DLGAP2: variants seen among roughly 807,000 people sequenced by gnomAD.
DLGAP2 encodes the protein DLG associated protein 2.
In DLGAP2, 26 loss-of-function variants were observed where a neutral mutation model predicts 100.3. That is an observed-to-expected ratio of 0.26 (90% confidence interval 0.19 to 0.36). DLGAP2 has a LOEUF of 0.36. Ranked by LOEUF, DLGAP2 falls within the 10% of genes least tolerant of loss-of-function variation. The probability of loss-of-function intolerance (pLI) is 1.00; values close to 1 mark genes in which losing one functional copy is unlikely to be tolerated. For synonymous variants in DLGAP2, 886 were observed against 630.1 expected (o/e 1.41, Z -6.08); for missense variants, 1,858 against 1,453.2 (o/e 1.28, Z -4.53).
chr8:1,360,104 C>T (rs960754104), intron 3 of DLGAP2, among the ~76,000 whole-genome samples: 34 of 151,960 alleles, frequency 2.2e-4, no homozygotes, highest in African/African-American at 6.0e-4. Flanking sequence ...GTGTGGGGTT[C>T]GGAGGAGAGC....
chr8:1,623,504 C>CACAATGACCTGACACCA, intron 6 of DLGAP2, among the ~76,000 whole-genome samples: 8 of 150,086 alleles, frequency 5.3e-5, no homozygotes, highest in African/African-American at 1.7e-4. Flanking sequence ...GGCACCAGTG[C>CACAATGACCTGACACCA]GTGATGACCT....
At chr8:1,338,573 T>C (rs2117076207) in intron 3 of DLGAP2, among the ~76,000 whole-genome samples, 1 of 152,342 alleles carries the variant, frequency 6.6e-6, no homozygotes, top group African/African-American at 2.4e-5. Flanking sequence ...CTTGCACACC[T>C]TTGTGAATAT....
At chr8:1,146,669 A>C (rs997288530) in intron 2 of DLGAP2, among the ~76,000 whole-genome samples, 1 of 152,148 alleles carries the variant, frequency 6.6e-6, no homozygotes, top group Non-Finnish European at 1.5e-5. Context: ...GTGTGTGTGC[A>C]TGTGTGTGCA....
chr8:1,128,998 G>T (rs1796230926), intron 2 of DLGAP2, among the ~76,000 whole-genome samples: 1 of 152,176 alleles, frequency 6.6e-6, no homozygotes, highest in African/African-American at 2.4e-5. Flanking sequence ...ACAATTCTTT[G>T]CCCACTGATA....
intron 2 of DLGAP2, among the ~76,000 whole-genome samples, chr8:1,205,998 A>C (rs2116772225): frequency 6.6e-6 from 1 of 152,282 alleles, no homozygotes; most frequent in South Asian, 2.1e-4. Flanking sequence ...AGGAAACAAA[A>C]GTGAAGAGTG....
intron 8 of DLGAP2, among the ~76,000 whole-genome samples, chr8:1,658,645 T>A (rs1386355844): frequency 6.6e-6 from 1 of 152,228 alleles, no homozygotes; most frequent in Non-Finnish European, 1.5e-5. Flanking sequence ...GTGTTTATAG[T>A]ATTCTCTGAT....
chr8:1,533,108 G>C (rs972243256), intron 4 of DLGAP2, among the ~76,000 whole-genome samples: 1 of 147,460 alleles, frequency 6.8e-6, no homozygotes, highest in Non-Finnish European at 1.5e-5. Flanking sequence ...GTTAAAAAAT[G>C]TGCAGTTGTT....
At chr8:1,365,956 G>A (rs1367758642) in intron 3 of DLGAP2, among the ~76,000 whole-genome samples, 3 of 152,354 alleles carry the variant, frequency 2.0e-5, no homozygotes, top group Admixed American at 6.5e-5. Flanking sequence ...TCTTTGTGGA[G>A]AAATTGCTCA....
intron 8 of DLGAP2, 38 bp from the exon 9 acceptor site, chr8:1,668,291 G>T: frequency 6.9e-7 from 1 of 1,445,890 alleles, no homozygotes; most frequent in Non-Finnish European, 9.2e-7. Flanking sequence ...TGACGGGGAA[G>T]AACACGCCTG....
In DLGAP2 at chr8:1,585,859, C is replaced by T. The variant is rs7006153; in HGVS notation, c.1442+19965C>T. Among the ~76,000 whole-genome samples, 100 of 152,094 alleles carry T rather than the reference C, an allele frequency of 6.6e-4. 1 individual carries two copies. The Middle Eastern group carries it at 0.01, about 16-fold the overall frequency. ...CACGTAATTGTGTGAAGTGGAGTGTCACTCTGTCTCTGGCATGTCCATCGC... is the reference window on the plus strand; with the variant it reads ...CACGTAATTGTGTGAAGTGGAGTGTTACTCTGTCTCTGGCATGTCCATCGC... On this transcript the variant is annotated intron_variant, in intron 6 of 14. Transcript: ENST00000637795.
chr8:1,626,048 G>A (rs1203931865), intron 6 of DLGAP2, among the ~76,000 whole-genome samples: 1 of 124,250 alleles, frequency 8.0e-6, no homozygotes. Flanking sequence ...TCTGGGTGTG[G>A]GTTGGATGGC....
chr8:1,242,830 G>A (rs748568357), intron 2 of DLGAP2, among the ~76,000 whole-genome samples: 6 of 152,048 alleles, frequency 3.9e-5, no homozygotes, highest in African/African-American at 7.3e-5. Flanking sequence ...ATGGACCGAT[G>A]GATAGATGGG....
At chr8:1,443,364 G>A (rs572475723) in intron 3 of DLGAP2, among the ~76,000 whole-genome samples, 35 of 151,444 alleles carry the variant, frequency 2.3e-4, no homozygotes, top group Non-Finnish European at 4.6e-4. Flanking sequence ...AGAGATAATC[G>A]CGGGTAACAT....
At chr8:892,919 A>G (rs1037562310) in intron 1 of DLGAP2, 4 of 129,898 alleles carry the variant, frequency 3.1e-5, no homozygotes, top group African/African-American at 1.2e-4. Context: ...CCCCCAACCC[A>G]CCCCCATGGA....
chr8:1,334,149 A>C (rs914460334), intron 3 of DLGAP2, among the ~76,000 whole-genome samples: 1 of 152,254 alleles, frequency 6.6e-6, no homozygotes, highest in Admixed American at 6.5e-5. Flanking sequence ...AGAGCTCCTC[A>C]GTGAGGTTCT....
intron 10 of DLGAP2, 82 bp from the exon 11 acceptor site, chr8:1,676,451 C>T (rs1798812813): frequency 1.4e-6 from 2 of 1,427,604 alleles, no homozygotes; most frequent in Admixed American, 2.0e-5. Context: ...TTAATTACAG[C>T]AAATCCACAA....
intron 3 of DLGAP2, among the ~76,000 whole-genome samples, chr8:1,476,325 A>G (rs949588126): frequency 6.6e-6 from 1 of 152,180 alleles, no homozygotes; most frequent in African/African-American, 2.4e-5. Context: ...AGAGAGCAAT[A>G]CAATCCTAAT....
chr8:1,184,044 TCAGA>T (rs1797447730), intron 2 of DLGAP2, among the ~76,000 whole-genome samples: 1 of 152,226 alleles, frequency 6.6e-6, no homozygotes, highest in African/African-American at 2.4e-5. Context: ...GTCATAGAAC[TCAGA>T]CAGCTGAAAG....
At chr8:984,474 G>A (rs1309226493) in intron 2 of DLGAP2, among the ~76,000 whole-genome samples, 4 of 152,182 alleles carry the variant, frequency 2.6e-5, no homozygotes, top group Admixed American at 6.5e-5. Flanking sequence ...TTGGGCCTAG[G>A]TTTATCTTGG....
Sources: allele counts gnomAD v4.1 joint callset (sites outside exome capture counted in the v4.1 genomes callset), GRCh38; gene constraint gnomAD v4.1.1; transcripts MANE v1.5; gene names NCBI Gene and HGNC (gene_info 2026-07-23, HGNC 2026-07-21).